MBNL2: variants seen among roughly 807,000 people sequenced by gnomAD.
MBNL2 encodes muscleblind-like protein 2.
A neutral mutation model predicts 41.9 loss-of-function variants in MBNL2; 17 were observed. The ratio of observed to expected loss-of-function variants is 0.41; its 90% CI spans 0.28 to 0.61. The LOEUF is 0.61. MBNL2 is among the 20% of genes least tolerant of loss of function. MBNL2 has a pLI of 0.35. For missense variants in MBNL2, 336 were observed against 505.6 expected, an observed-to-expected ratio of 0.66 and a Z score of 3.22; for synonymous variants, 195 against 182.9, an observed-to-expected ratio of 1.07 and a Z score of -0.53.
chr13:97,241,994 C>T (rs977925271), intron 1 of MBNL2, among the ~76,000 whole-genome samples: 19 of 152,066 alleles, frequency 1.2e-4, no homozygotes, highest in Non-Finnish European at 1.9e-4. Context: ...GGGGTTCCTC[C>T]GAGAGGAAAT....
At chr13:97,390,841 T>A (rs1334561638) in intron 8 of MBNL2, among the ~76,000 whole-genome samples, 3 of 152,186 alleles carry the variant, frequency 2.0e-5, no homozygotes, top group South Asian at 2.1e-4. Flanking sequence ...CATTTTTGAA[T>A]TAAAAATGCA....
At chr13:97,300,273 A>G (rs1594178855) in intron 2 of MBNL2, among the ~76,000 whole-genome samples, 5 of 152,358 alleles carry the variant, frequency 3.3e-5, no homozygotes, top group African/African-American at 1.2e-4. Context: ...ACCCAACCAT[A>G]GCTCAATGAC....
chr13:97,311,704 C>G (rs539622030), intron 2 of MBNL2, among the ~76,000 whole-genome samples: 1 of 139,672 alleles, frequency 7.2e-6, no homozygotes, highest in Non-Finnish European at 1.6e-5. Context: ...GGTGCTCATG[C>G]AGAAGTCCTC....
upstream of MBNL2, among the ~76,000 whole-genome samples, chr13:97,218,775 A>G (rs976658491): frequency 2.0e-5 from 3 of 152,014 alleles, no homozygotes; most frequent in Non-Finnish European, 4.4e-5. Flanking sequence ...AAGAGGAAGA[A>G]GAGAAAAAAG....
chr13:97,218,440 C>CAAAACAAAACAAAA (rs55815508), upstream of MBNL2, among the ~76,000 whole-genome samples: 333 of 117,934 alleles, frequency 2.8e-3, 7 homozygotes, highest in African/African-American at 0.011. Context: ...CAAAACAAAA[C>CAAAACAAAACAAAA]AAAAAAAAAA....
At chr13:97,224,494 T>G (rs908477222) in intron 1 of MBNL2, among the ~76,000 whole-genome samples, 4 of 152,130 alleles carry the variant, frequency 2.6e-5, no homozygotes, top group African/African-American at 9.7e-5. Flanking sequence ...CAAAGCTAAT[T>G]TGTGTCTCCT....
the MBNL2 span, among the ~76,000 whole-genome samples, chr13:97,213,151 A>G: frequency 6.6e-6 from 1 of 152,330 alleles, no homozygotes; most frequent in Middle Eastern, 3.4e-3. Flanking sequence ...CAGTCAAGTA[A>G]GAACATATAG....
intron 1 of MBNL2, among the ~76,000 whole-genome samples, chr13:97,269,418 G>A (rs2050478263): frequency 6.6e-6 from 1 of 152,162 alleles, no homozygotes; most frequent in South Asian, 2.1e-4. Flanking sequence ...AACGTCTGGA[G>A]GTGCCCTCTC....
intron 2 of MBNL2, among the ~76,000 whole-genome samples, chr13:97,329,636 AAC>A (rs796555836): frequency 2.0e-5 from 3 of 150,960 alleles, no homozygotes; most frequent in Non-Finnish European, 4.4e-5. Flanking sequence ...CTAGACACAC[AAC>A]ACACACACAA....
chr13:97,154,034 C>T, the MBNL2 span, among the ~76,000 whole-genome samples: 1 of 152,114 alleles, frequency 6.6e-6, no homozygotes, highest in Non-Finnish European at 1.5e-5. Flanking sequence ...GATAAATATT[C>T]TGCCAGACTG....
At position 97,346,673 on chromosome 13, in the gene MBNL2, T is replaced by C. The variant is rs763575365; in HGVS notation, c.541-131T>C. The C allele has an allele frequency of 1.5e-6, 1 of 659,512 alleles. No individual in the cohort carries two copies. The highest frequency in any genetic ancestry group is 2.6e-6 in the Non-Finnish European group (1 of 391,162). The allele number at this position is 659,512 out of a possible 1,614,324, so 40.9% of individuals were successfully genotyped here. A position where few individuals can be genotyped will look rare whatever the true frequency, so the allele number is the denominator to read the frequency against. On this transcript the variant is annotated intron_variant, in intron 4 of 8. Transcript: ENST00000679496. This position sits in a 1 kb window ranked among gnomAD's most constrained non-coding sequence, Gnocchi z 4.2. ...TTACCTGGGCTCCGCATAATCAATCTTTTCTTGTCAGTGGTACATGAGCCA... is the reference window on the plus strand; with the variant it reads ...TTACCTGGGCTCCGCATAATCAATCCTTTCTTGTCAGTGGTACATGAGCCA...
chr13:97,360,684 G>T (rs894879390), intron 7 of MBNL2, among the ~76,000 whole-genome samples: 1 of 152,226 alleles, frequency 6.6e-6, no homozygotes, highest in Non-Finnish European at 1.5e-5. Context: ...ACACCGCAAA[G>T]TGGAACTACC....
chr13:97,339,233 T>A (rs1459908986), intron 3 of MBNL2, among the ~76,000 whole-genome samples: 2 of 6,026 alleles, frequency 3.3e-4, no homozygotes, highest in Non-Finnish European at 8.1e-4. Context: ...GTGTTGTGAA[T>A]GTGTATGAGT....
chr13:97,198,252 C>A, the MBNL2 span, among the ~76,000 whole-genome samples: 7 of 152,026 alleles, frequency 4.6e-5, no homozygotes, highest in African/African-American at 1.4e-4. Context: ...AAAGAGAATT[C>A]TCCTGCCTGA....
At position 97,391,399 on chromosome 13, in the gene MBNL2, A is replaced by G. The variant is rs778407813; in HGVS notation, c.1126A>G (p.Thr376Ala). The G allele has an allele frequency of 1.9e-6, 3 of 1,574,958 alleles. No homozygotes were observed. Among genetic ancestry groups the G allele is most frequent in the Non-Finnish European group, 2.6e-6 (3 of 1,144,582 alleles). Residue 376 changes from threonine to alanine, a missense_variant, in exon 9 of 9, where the codon ACA (threonine) becomes GCA (alanine). Thr to Ala is a moderately conservative substitution (Grantham distance 58). Coordinates refer to ENST00000679496, the MANE Select transcript of MBNL2 (RefSeq NM_001382683.1). ...GAGAATAACTAAACATTGTTACTGT[A>G]CATACTATCCTGTTTCCTCCTCAAT... ...ALRITKHCYC[T>A]YYPVSSSIEL...
the MBNL2 span, among the ~76,000 whole-genome samples, chr13:97,170,370 A>G: frequency 6.6e-5 from 10 of 152,228 alleles, no homozygotes; most frequent in African/African-American, 2.4e-5. Flanking sequence ...CCATACTTGT[A>G]ACTGCCCAAT....
chr13:97,380,509 C>CAAAA (rs961340088), intron 8 of MBNL2, among the ~76,000 whole-genome samples: 7 of 148,886 alleles, frequency 4.7e-5, no homozygotes, highest in Non-Finnish European at 1.0e-4. Flanking sequence ...AACAAACAAA[C>CAAAA]AAAAAAAAAC....
intron 8 of MBNL2, among the ~76,000 whole-genome samples, chr13:97,374,297 G>C (rs1437932582): frequency 1.3e-5 from 2 of 151,442 alleles, no homozygotes; most frequent in Admixed American, 6.6e-5. Flanking sequence ...ACAGGCGCCC[G>C]CCACTACGCC....
chr13:97,378,643 T>A (rs1159853357), intron 8 of MBNL2, among the ~76,000 whole-genome samples: 1 of 152,206 alleles, frequency 6.6e-6, no homozygotes, highest in African/African-American at 2.4e-5. Flanking sequence ...GTGCTCATAT[T>A]TAAGAATCTT....
Sources: gnomAD v4.1 joint callset for allele counts (sites outside exome capture counted in the v4.1 genomes callset) on GRCh38, gnomAD v4.1.1 for gene constraint, Gnocchi (gnomAD v3.1) non-coding constraint, MANE v1.5 for transcripts, NCBI Gene and HGNC (gene_info 2026-07-23, HGNC 2026-07-21) for gene names.